Variants in MTA3 observed in about 807,000 individuals in gnomAD.
MTA3 encodes metastasis-associated protein MTA3.
Under a neutral mutation model 83.5 loss-of-function variants are expected in MTA3, and 34 were observed. The ratio of observed to expected loss-of-function variants is 0.41; its 90% CI spans 0.31 to 0.54. The LOEUF (loss-of-function observed/expected upper bound fraction) is 0.54, where lower values mean the gene tolerates loss of function less well. Among genes scored for constraint, MTA3 ranks in the 20% least tolerant of loss-of-function variants. MTA3 has a pLI of 0.33. For synonymous variants in MTA3, 303 were observed against 252.7 expected (o/e 1.20, Z -1.89); for missense variants, 761 against 726.4 (o/e 1.05, Z -0.55).
intron 16 of MTA3, among the ~76,000 whole-genome samples, chr2:42,735,863 G>T (rs139640101): frequency 6.6e-6 from 1 of 152,000 alleles, no homozygotes; most frequent in Admixed American, 6.6e-5. Context: ...ATTCTGTTGT[G>T]CTTCCTCAAA....
chr2:42,514,004 A>G (rs1468431053), intron 2 of MTA3, among the ~76,000 whole-genome samples: 1 of 152,178 alleles, frequency 6.6e-6, no homozygotes, highest in South Asian at 2.1e-4. Context: ...ACCTGAGGTC[A>G]GGAGTTCAAG....
At position 42,593,694 on chromosome 2, in the gene MTA3, T is replaced by G. The variant is rs1681315324; in HGVS notation, c.190+14494T>G. Among the ~76,000 whole-genome samples, 5 of 123,974 alleles carry G rather than the reference T, an allele frequency of 4.0e-5. No individual in the cohort carries two copies. The South Asian group carries it at 1.6e-3, about 40-fold the overall frequency. 81.3% of individuals were successfully genotyped at this position (123,974 alleles called of 152,430 possible). A position where few individuals can be genotyped will look rare whatever the true frequency, so the allele number is the denominator to read the frequency against. ...ACTATGGCATCTATCTTTATTTATT[T>G]ATTGATATGGAGTCTTTATTTATTT... is the stretch of plus-strand genomic sequence containing the variant. On this transcript the variant is annotated intron_variant, in intron 3 of 16. Coordinates refer to ENST00000405094, the MANE Select transcript of MTA3 (RefSeq NM_001330442.2).
Position 42,754,094 on chromosome 2 carries a change from G to A in MTA3, c.*695G>A. Reference sequence around the variant, plus strand: ...TCATCATCTGTGTTTTGTGGTTGGAGAGAAACTGGTGTTCTGCCCGGCTCT... The same window carrying A: ...TCATCATCTGTGTTTTGTGGTTGGAAAGAAACTGGTGTTCTGCCCGGCTCT... On this transcript the variant is annotated 3_prime_UTR_variant, in exon 17 of 17. Coordinates refer to ENST00000405094, the MANE Select transcript of MTA3 (RefSeq NM_001330442.2). The A allele has an allele frequency of 1.0e-6, 1 of 985,498 alleles. No homozygotes were observed. Among genetic ancestry groups the A allele is most frequent in the Non-Finnish European group, 1.2e-6 (1 of 829,980 alleles). The allele number at this position is 985,498 out of a possible 1,614,324, so 61.0% of individuals were successfully genotyped here. A position where few individuals can be genotyped will look rare whatever the true frequency, so the allele number is the denominator to read the frequency against.
chr2:42,579,029 G>T, intron 2 of MTA3, 78 bp from the exon 3 acceptor site: 4 of 903,530 alleles, frequency 4.4e-6, no homozygotes, highest in Non-Finnish European at 6.8e-6. Flanking sequence ...ATATAATTGT[G>T]CTGTATCTAG....
At chr2:42,685,814 TG>T (rs1192969580) in intron 9 of MTA3, among the ~76,000 whole-genome samples, 1 of 152,082 alleles carries the variant, frequency 6.6e-6, no homozygotes, top group Non-Finnish European at 1.5e-5. Context: ...TTGTGTTTTT[TG>T]TGGTAGTTGT....
At chr2:42,649,384 G>C (rs868208650) in intron 6 of MTA3, among the ~76,000 whole-genome samples, 1 of 151,774 alleles carries the variant, frequency 6.6e-6, no homozygotes, top group Admixed American at 6.6e-5. Context: ...CTGCACTCCA[G>C]CATGGGTGAC....
At chr2:42,549,162 A>G (rs1411121726) in intron 2 of MTA3, among the ~76,000 whole-genome samples, 1 of 139,306 alleles carries the variant, frequency 7.2e-6, no homozygotes, top group Non-Finnish European at 1.5e-5. Flanking sequence ...AACAAGAGCA[A>G]AACTCCATCT....
chr2:42,668,702 G>T (rs1690516645), intron 8 of MTA3, among the ~76,000 whole-genome samples: 1 of 152,068 alleles, frequency 6.6e-6, no homozygotes. Flanking sequence ...TATTTTAGTA[G>T]ATTATCAAGT....
intron 4 of MTA3, among the ~76,000 whole-genome samples, chr2:42,610,319 T>C (rs1480122414): frequency 6.6e-6 from 1 of 152,202 alleles, no homozygotes; most frequent in East Asian, 1.9e-4. Flanking sequence ...ATAGGATATA[T>C]GGCTTTTTGT....
At chr2:42,729,154 C>G (rs1668066634) in intron 16 of MTA3, among the ~76,000 whole-genome samples, 2 of 121,822 alleles carry the variant, frequency 1.6e-5, no homozygotes. Flanking sequence ...AGTGCAGTGG[C>G]ACAATCTCGG....
At chr2:42,671,522 G>A (rs1042992730) in intron 8 of MTA3, among the ~76,000 whole-genome samples, 1 of 151,452 alleles carries the variant, frequency 6.6e-6, no homozygotes, top group Non-Finnish European at 1.5e-5. Context: ...TCTTTTGCTA[G>A]CCTTTTTAAG....
intron 2 of MTA3, among the ~76,000 whole-genome samples, chr2:42,563,616 G>A (rs765394615): frequency 9.9e-5 from 15 of 151,856 alleles, no homozygotes; most frequent in Non-Finnish European, 1.3e-4. Flanking sequence ...ACAGGTGCCC[G>A]CCACCACACC....
chr2:42,714,675 G>T (rs1206349746), intron 14 of MTA3, among the ~76,000 whole-genome samples: 1 of 152,172 alleles, frequency 6.6e-6, no homozygotes, highest in Non-Finnish European at 1.5e-5. Context: ...AACCTTTTTG[G>T]TACCAGGGAC....
Position 42,584,869 on chromosome 2 carries a change from A to T in MTA3, c.190+5669A>T, listed in dbSNP as rs117264727. ...GCACTCCACCCTGGGTGACAAAGGG[A>T]GACCCTTTCTCTTGGGGGAAAAAAA... On this transcript the variant is annotated intron_variant, in intron 3 of 16. Transcript: ENST00000405094. Among the ~76,000 whole-genome samples the T allele has an allele frequency of 2.4e-3, 366 of 151,834 alleles. 4 individuals are homozygous for T. In the East Asian group the frequency reaches 0.052, roughly 22 times the overall value.
chr2:42,532,943 A>C (rs1197184153), intron 2 of MTA3: 2 of 250,862 alleles, frequency 8.0e-6, no homozygotes, highest in Non-Finnish European at 1.5e-5. Context: ...CTCTCAGCTC[A>C]GAGAGTGCTT....
chr2:42,658,455 T>C (rs1343016786), intron 7 of MTA3, among the ~76,000 whole-genome samples: 2 of 152,180 alleles, frequency 1.3e-5, no homozygotes, highest in African/African-American at 4.8e-5. Flanking sequence ...TGAGACGTCG[T>C]ACAACGGAAT....
chr2:42,509,325 G>A (rs531775424), intron 2 of MTA3, among the ~76,000 whole-genome samples: 1 of 152,296 alleles, frequency 6.6e-6, no homozygotes, highest in African/African-American at 2.4e-5. Flanking sequence ...TTACAGGTTA[G>A]AGCCACTGCG....
upstream of MTA3, among the ~76,000 whole-genome samples, chr2:42,567,206 T>C (rs1483658686): frequency 6.6e-6 from 1 of 152,176 alleles, no homozygotes. Flanking sequence ...TTACAAAGCA[T>C]TTTCAGATAT....
chr2:42,627,725 A>AT (rs869227831), intron 4 of MTA3, among the ~76,000 whole-genome samples: 2,975 of 103,438 alleles, frequency 0.029, 31 homozygotes, highest in South Asian at 0.054. Flanking sequence ...GCCTGGCTAA[A>AT]TTTTTTTTTT....
Sources: gnomAD v4.1 joint callset for allele counts (sites outside exome capture counted in the v4.1 genomes callset) on GRCh38, gnomAD v4.1.1 for gene constraint, MANE v1.5 for transcripts, NCBI Gene and HGNC (gene_info 2026-07-23, HGNC 2026-07-21) for gene names.